Variants in FBXL17 observed in about 807,000 individuals in gnomAD.
The protein encoded by FBXL17 is F-box/LRR-repeat protein 17.
A neutral mutation model predicts 66.2 loss-of-function variants in FBXL17; 22 were observed. The observed-to-expected ratio is 0.33, with a 90% CI of 0.24 to 0.47. FBXL17 has a LOEUF of 0.47. Ranked by LOEUF, FBXL17 falls within the 20% of genes least tolerant of loss-of-function variation. The probability of loss-of-function intolerance (pLI) is 1.00; values close to 1 mark genes in which losing one functional copy is unlikely to be tolerated. For missense variants in FBXL17, 878 were observed against 948.2 expected (o/e 0.93, Z 0.97); for synonymous variants, 474 against 400.5 (o/e 1.18, Z -2.19).
intron 5 of FBXL17, among the ~76,000 whole-genome samples, chr5:108,188,490 C>T (rs76098632): frequency 0.19 from 29,256 of 152,074 alleles, 3,459 homozygotes; most frequent in East Asian, 0.52. Flanking sequence ...AATGATGCTC[C>T]AGAACAGAGG....
intron 7 of FBXL17, among the ~76,000 whole-genome samples, chr5:107,895,444 C>A (rs1235969663): frequency 1.3e-5 from 2 of 152,104 alleles, no homozygotes; most frequent in Non-Finnish European, 2.9e-5. Context: ...AAGCTGTATT[C>A]TTCCTTTGTA....
chr5:107,866,091 T>A (rs1484728832), intron 8 of FBXL17, among the ~76,000 whole-genome samples: 5 of 152,160 alleles, frequency 3.3e-5, no homozygotes, highest in African/African-American at 1.2e-4. Flanking sequence ...GATGAAGTTT[T>A]TTTTTTTTAA....
At chr5:108,062,120 G>A (rs1045080145) in intron 6 of FBXL17, among the ~76,000 whole-genome samples, 10 of 151,964 alleles carry the variant, frequency 6.6e-5, no homozygotes, top group African/African-American at 2.4e-4. Flanking sequence ...TTTTACAAAA[G>A]GAACATCAGT....
At chr5:108,106,458 T>A (rs1749800528) in intron 6 of FBXL17, among the ~76,000 whole-genome samples, 1 of 152,150 alleles carries the variant, frequency 6.6e-6, no homozygotes, top group Non-Finnish European at 1.5e-5. Context: ...CCAAAATGTA[T>A]ATACAAATAT....
At chr5:108,003,673 A>G (rs1753821401) in intron 7 of FBXL17, among the ~76,000 whole-genome samples, 1 of 152,208 alleles carries the variant, frequency 6.6e-6, no homozygotes, top group Non-Finnish European at 1.5e-5. Flanking sequence ...CATAATTTCC[A>G]GAAAGTACAA....
rs142430021 is a variant in FBXL17, at chr5:108,273,078, T to G, written c.1507-48850A>C. On this transcript the variant is annotated intron_variant, in intron 4 of 8. Coordinates refer to ENST00000542267, the MANE Select transcript of FBXL17 (RefSeq NM_001163315.3). ...AGCCACAAAAACCGGCAAGTTTTTATTAGGGAGTTTCAAAAGGGGAGGGAG... is the reference window on the plus strand; with the variant it reads ...AGCCACAAAAACCGGCAAGTTTTTAGTAGGGAGTTTCAAAAGGGGAGGGAG... Among the ~76,000 whole-genome samples, 518 of 152,204 alleles carry G rather than the reference T, an allele frequency of 3.4e-3. 4 individuals carry two copies. Among genetic ancestry groups the G allele is most frequent in the African/African-American group, 0.012 (496 of 41,522 alleles).
intron 7 of FBXL17, among the ~76,000 whole-genome samples, chr5:108,009,306 T>TATATATATATATAC (rs1561365393): frequency 2.3e-4 from 4 of 17,440 alleles, no homozygotes; most frequent in African/African-American, 1.0e-3. Flanking sequence ...TATATACATA[T>TATATATATATATAC]ATACATACAC....
intron 5 of FBXL17, among the ~76,000 whole-genome samples, chr5:108,199,970 C>G (rs1430963059): frequency 1.3e-5 from 2 of 150,998 alleles, no homozygotes; most frequent in African/African-American, 4.8e-5. Flanking sequence ...GCTGAAGACA[C>G]TGAAGCTGAT....
At chr5:107,980,522 G>A (rs1296252715) in intron 7 of FBXL17, among the ~76,000 whole-genome samples, 1 of 148,870 alleles carries the variant, frequency 6.7e-6, no homozygotes, top group East Asian at 2.0e-4. Context: ...TTTTTGTAGA[G>A]ACAAGGTTTC....
chr5:107,978,405 G>T (rs891914561), intron 7 of FBXL17, among the ~76,000 whole-genome samples: 1 of 151,726 alleles, frequency 6.6e-6, no homozygotes, highest in Non-Finnish European at 1.5e-5. Flanking sequence ...TTATGAGAGG[G>T]GCCTGAATTC....
intron 4 of FBXL17, among the ~76,000 whole-genome samples, chr5:108,344,901 C>G (rs921714813): frequency 1.3e-5 from 2 of 152,220 alleles, no homozygotes; most frequent in Non-Finnish European, 2.9e-5. Flanking sequence ...ACCCTCACTA[C>G]AGCTATACTC....
chr5:108,376,901 C>T (rs1318964546), intron 1 of FBXL17, among the ~76,000 whole-genome samples: 1 of 151,422 alleles, frequency 6.6e-6, no homozygotes, highest in Non-Finnish European at 1.5e-5. Context: ...GGATTACAGG[C>T]GTGAGCCACC....
At chr5:108,080,883 T>C (rs1409852521) in intron 6 of FBXL17, among the ~76,000 whole-genome samples, 1 of 152,182 alleles carries the variant, frequency 6.6e-6, no homozygotes, top group African/African-American at 2.4e-5. Flanking sequence ...AGAAAATAGA[T>C]GCTAAATGTC....
chr5:107,870,672 G>A (rs1440646995), intron 8 of FBXL17, among the ~76,000 whole-genome samples: 5 of 150,418 alleles, frequency 3.3e-5, no homozygotes, highest in Non-Finnish European at 7.4e-5. Context: ...TGCAACCTCC[G>A]CCTCCTGGGT....
chr5:108,268,901 T>C (rs1024697616), intron 4 of FBXL17, among the ~76,000 whole-genome samples: 1 of 152,068 alleles, frequency 6.6e-6, no homozygotes, highest in Non-Finnish European at 1.5e-5. Flanking sequence ...ACAAGTTTTA[T>C]GTGCCACAAG....
chr5:107,954,343 C>T (rs1415476540), intron 7 of FBXL17, among the ~76,000 whole-genome samples: 1 of 152,154 alleles, frequency 6.6e-6, no homozygotes, highest in Non-Finnish European at 1.5e-5. Flanking sequence ...ATTCAAATCA[C>T]ACAAAAATAA....
chr5:108,369,196 T>C (rs1449702693), intron 1 of FBXL17, among the ~76,000 whole-genome samples: 1 of 152,220 alleles, frequency 6.6e-6, no homozygotes, highest in African/African-American at 2.4e-5. Context: ...ATTATTCCTC[T>C]ACACTCCCTC....
Position 108,238,150 on chromosome 5 carries a change from A to T in FBXL17, c.1507-13922T>A, listed in dbSNP as rs148024458. Among the ~76,000 whole-genome samples the T allele has an allele frequency of 3.0e-3, 455 of 152,372 alleles. 2 individuals carry two copies. The highest frequency in any genetic ancestry group is 0.011 in the African/African-American group (440 of 41,584). ...CAGAGAACACATTGGCACTTGTCAC[A>T]TAACAGCTAAAAATGGTGACAGAAT... On this transcript the variant is annotated intron_variant, in intron 4 of 8. Transcript: ENST00000542267.
At chr5:108,043,632 C>T (rs1289980564) in intron 6 of FBXL17, among the ~76,000 whole-genome samples, 1 of 152,280 alleles carries the variant, frequency 6.6e-6, no homozygotes, top group Non-Finnish European at 1.5e-5. Context: ...GCTGTAGCTA[C>T]ATAAAAACTC....
Sources: gnomAD v4.1 joint callset for allele counts (sites outside exome capture counted in the v4.1 genomes callset) on GRCh38, gnomAD v4.1.1 for gene constraint, MANE v1.5 for transcripts, NCBI Gene and HGNC (gene_info 2026-07-23, HGNC 2026-07-21) for gene names.